PDE6D: variants seen among roughly 807,000 people sequenced by gnomAD.
PDE6D encodes the protein retinal rod rhodopsin-sensitive cGMP 3',5'-cyclic phosphodiesterase subunit delta.
PDE6D carries 10 observed loss-of-function variants against 21.9 expected under a neutral mutation model. That is an observed-to-expected ratio of 0.46 (90% CI 0.28 to 0.78). The LOEUF (loss-of-function observed/expected upper bound fraction) is 0.78. Ranked by LOEUF, PDE6D falls within the 30% of genes least tolerant of loss-of-function variation. The pLI, the probability that PDE6D is intolerant of heterozygous loss-of-function variation, is 0.12. For missense variants in PDE6D, 139 were observed against 184.8 expected (o/e 0.75, Z 1.44); for synonymous variants, 59 against 63.5 (o/e 0.93, Z 0.34).
intron 4 of PDE6D, among the ~76,000 whole-genome samples, chr2:231,734,284 TATG>T (rs1280192334): frequency 6.6e-6 from 1 of 151,980 alleles, no homozygotes; most frequent in Non-Finnish European, 1.5e-5. Context: ...TGAATCAACT[TATG>T]ATCTTTCAAC....
intron 1 of PDE6D, among the ~76,000 whole-genome samples, chr2:231,760,499 T>G (rs2048917217): frequency 6.6e-6 from 1 of 152,142 alleles, no homozygotes; most frequent in Non-Finnish European, 1.5e-5. Flanking sequence ...TGCTAAAAGG[T>G]CACAAAGCCA....
intron 1 of PDE6D, among the ~76,000 whole-genome samples, chr2:231,764,427 A>G (rs1429391667): frequency 6.6e-6 from 1 of 152,230 alleles, no homozygotes; most frequent in Non-Finnish European, 1.5e-5. Context: ...AGGAACACAG[A>G]AAGTTTAGGC....
At chr2:231,740,126 T>C (rs748411124) in intron 1 of PDE6D, among the ~76,000 whole-genome samples, 11 of 152,170 alleles carry the variant, frequency 7.2e-5, no homozygotes, top group Non-Finnish European at 8.8e-5. Context: ...TTTAGGTGAA[T>C]TTCTCTGGTT....
intron 1 of PDE6D, among the ~76,000 whole-genome samples, chr2:231,763,645 T>C (rs576702003): frequency 2.2e-3 from 337 of 151,808 alleles, no homozygotes; most frequent in African/African-American, 7.7e-3. Context: ...TTTCTTTTTT[T>C]TTTTTTTAGA....
intron 1 of PDE6D, among the ~76,000 whole-genome samples, chr2:231,770,129 A>C (rs1370786598): frequency 6.6e-6 from 1 of 152,218 alleles, no homozygotes; most frequent in Non-Finnish European, 1.5e-5. Context: ...GTTGTGGGAT[A>C]AATTTTGTGT....
At chr2:231,736,027 C>CA (rs1214326163) in intron 4 of PDE6D, among the ~76,000 whole-genome samples, 355 of 87,098 alleles carry the variant, frequency 4.1e-3, no homozygotes, top group Middle Eastern at 0.017. Context: ...GACTCTGTCT[C>CA]AAAAAAAAAA....
At chr2:231,750,412 T>C (rs77284922) in intron 1 of PDE6D, among the ~76,000 whole-genome samples, 2,035 of 152,140 alleles carry the variant, frequency 0.013, 16 homozygotes, top group East Asian at 0.026. Context: ...TTTAAATTCA[T>C]ATATTATTTG....
At chr2:231,781,028 A>C in intron 1 of PDE6D, 37 bp downstream of exon 1, 1 of 1,590,838 alleles carries the variant, frequency 6.3e-7, no homozygotes, top group Non-Finnish European at 8.6e-7. Context: ...GCCGCCTCCC[A>C]AGTCCTCCCG....
At chr2:231,764,096 G>A (rs1297926550) in intron 1 of PDE6D, among the ~76,000 whole-genome samples, 3 of 152,054 alleles carry the variant, frequency 2.0e-5, no homozygotes, top group Non-Finnish European at 4.4e-5. Flanking sequence ...CTCTTGACAA[G>A]GTCTTAGTCT....
intron 1 of PDE6D, among the ~76,000 whole-genome samples, chr2:231,765,790 GT>G (rs1437619332): frequency 6.6e-6 from 1 of 152,092 alleles, no homozygotes; most frequent in Non-Finnish European, 1.5e-5. Flanking sequence ...ATAGTTTTTG[GT>G]TGTGGCTTTT....
chr2:231,754,008 A>G (rs1180370680), intron 1 of PDE6D, among the ~76,000 whole-genome samples: 2 of 152,210 alleles, frequency 1.3e-5, no homozygotes, highest in Non-Finnish European at 2.9e-5. Flanking sequence ...GAAGCTTCTC[A>G]TAAGACTTCA....
intron 1 of PDE6D, among the ~76,000 whole-genome samples, chr2:231,750,527 C>A (rs2048830836): frequency 7.1e-6 from 1 of 139,880 alleles, no homozygotes. Context: ...CACTCTGTTT[C>A]ACTCACTCGC....
At chr2:231,744,923 T>C (rs893861355) in intron 1 of PDE6D, among the ~76,000 whole-genome samples, 3 of 152,166 alleles carry the variant, frequency 2.0e-5, no homozygotes, top group African/African-American at 7.2e-5. Flanking sequence ...TTTTGTAAGA[T>C]TTTATCCTCA....
chr2:231,768,430 G>A (rs993759136), intron 1 of PDE6D, among the ~76,000 whole-genome samples: 6 of 150,822 alleles, frequency 4.0e-5, no homozygotes, highest in African/African-American at 1.2e-4. Context: ...TCCCTCTGTC[G>A]TACATGCTGG....
intron 1 of PDE6D, among the ~76,000 whole-genome samples, chr2:231,759,046 G>A (rs2048905559): frequency 6.6e-6 from 1 of 152,134 alleles, no homozygotes; most frequent in Admixed American, 6.6e-5. Context: ...GGCCAGGCAT[G>A]GTGGCTCACG....
intron 1 of PDE6D, among the ~76,000 whole-genome samples, chr2:231,758,371 G>A (rs1215442746): frequency 6.6e-6 from 1 of 151,854 alleles, no homozygotes; most frequent in Non-Finnish European, 1.5e-5. Context: ...TCCTGGGCTC[G>A]AGTGATGCCC....
At chr2:231,756,720 A>G (rs990470571) in intron 1 of PDE6D, among the ~76,000 whole-genome samples, 6 of 150,634 alleles carry the variant, frequency 4.0e-5, no homozygotes, top group Non-Finnish European at 5.9e-5. Context: ...GATTATAGGC[A>G]TGAGCCACCA....
intron 4 of PDE6D, among the ~76,000 whole-genome samples, chr2:231,734,139 G>A (rs1254126528): frequency 6.6e-6 from 1 of 151,772 alleles, no homozygotes; most frequent in Non-Finnish European, 1.5e-5. Flanking sequence ...GTGGGAACCC[G>A]GGAGGCGGAG....
chr2:231,738,467 A>T (rs2048721493), intron 2 of PDE6D, among the ~76,000 whole-genome samples: 1 of 152,220 alleles, frequency 6.6e-6, no homozygotes, highest in South Asian at 2.1e-4. Flanking sequence ...TGTTCTGGTG[A>T]TTTTAACCCC....
Sources: allele counts gnomAD v4.1 joint callset (sites outside exome capture counted in the v4.1 genomes callset), GRCh38; gene constraint gnomAD v4.1.1; transcripts MANE v1.5; gene names NCBI Gene and HGNC (gene_info 2026-07-23, HGNC 2026-07-21).